The following PPEF1 variants were observed in gnomAD, a reference collection of about 807,000 sequenced individuals.
PPEF1 encodes the protein protein phosphatase with EF-hand domain 1, also known as serine/threonine-protein phosphatase with EF-hands 1.
Under a neutral mutation model 53.3 loss-of-function variants are expected in PPEF1, and 12 were observed. The ratio of observed to expected loss-of-function variants is 0.23; its 90% CI spans 0.14 to 0.36. The LOEUF is 0.36. Ranked by LOEUF, PPEF1 falls within the 10% of genes least tolerant of loss-of-function variation. PPEF1 has a pLI of 1.00. For synonymous variants in PPEF1, 165 were observed against 176.7 expected, an observed-to-expected ratio of 0.93 and a Z score of 0.52; for missense variants, 334 against 490.4, an observed-to-expected ratio of 0.68 and a Z score of 3.01.
intron 3 of PPEF1, among the ~76,000 whole-genome samples, chrX:18,741,950 A>G (rs2045179120): frequency 9.2e-6 from 1 of 109,083 alleles, no homozygotes; most frequent in Non-Finnish European, 1.9e-5. Flanking sequence ...GGCATTCACC[A>G]GTAAACCTGG....
intron 4 of PPEF1, among the ~76,000 whole-genome samples, chrX:18,695,237 C>G (rs1213875527): frequency 8.9e-6 from 1 of 112,640 alleles, no homozygotes; most frequent in African/African-American, 3.2e-5. Flanking sequence ...GAGACTTCCC[C>G]CAGTCCTTTG....
intron 6 of PPEF1, among the ~76,000 whole-genome samples, chrX:18,773,322 CTGT>C (rs2045903990): frequency 8.9e-6 from 1 of 111,827 alleles, no homozygotes; most frequent in Non-Finnish European, 1.9e-5. Context: ...CTTTGTGATC[CTGT>C]TTAGTACTTT....
rs183700497 is a variant in PPEF1 at position 18,754,632 on chromosome X, C to T, written c.397-2995C>T. ...TCTTTTTTAAAGGCAGGGTCACACT[C>T]TGTCACCCATGCTGGAGTGTGGTGG... On this transcript the variant is annotated intron_variant, in intron 4 of 15. Coordinates refer to ENST00000470157, the MANE Select transcript of PPEF1 (RefSeq NM_001377996.1). Among the ~76,000 whole-genome samples the T allele has an allele frequency of 6.2e-4, 69 of 111,975 alleles. No individual in the cohort carries two copies. The Middle Eastern group carries it at 0.014, about 22-fold the overall frequency.
At chrX:18,706,313 G>A (rs1228507395), upstream of PPEF1, among the ~76,000 whole-genome samples, 1 of 109,330 alleles carries the variant, frequency 9.1e-6, no homozygotes, top group Non-Finnish European at 1.9e-5. Context: ...AAAGTGACGT[G>A]ACAGTATACT....
chrX:18,694,266 A>G (rs1929585749), intron 4 of PPEF1, among the ~76,000 whole-genome samples: 1 of 111,994 alleles, frequency 8.9e-6, no homozygotes, highest in Non-Finnish European at 1.9e-5. Context: ...TTTTGCATGA[A>G]TAGAAAATTT....
chrX:18,732,367 G>T (rs780680994), intron 2 of PPEF1, among the ~76,000 whole-genome samples: 1 of 111,972 alleles, frequency 8.9e-6, no homozygotes, highest in African/African-American at 3.2e-5. Flanking sequence ...GTTCTCTTGG[G>T]TATAGACCTG....
intron 13 of PPEF1, 57 bp downstream of exon 13, chrX:18,818,202 A>C: frequency 2.6e-5 from 20 of 772,317 alleles, no homozygotes; most frequent in Non-Finnish European, 3.7e-5. Flanking sequence ...CATACAGATC[A>C]CTTTTCATTT....
intron 4 of PPEF1, among the ~76,000 whole-genome samples, chrX:18,694,190 TG>T (rs1929577829): frequency 8.9e-6 from 1 of 112,030 alleles, no homozygotes; most frequent in Non-Finnish European, 1.9e-5. Flanking sequence ...CCACAGTTTG[TG>T]GGACACTCAC....
At chrX:18,689,235 G>A (rs774205814) in intron 3 of PPEF1, among the ~76,000 whole-genome samples, 18 of 110,059 alleles carry the variant, frequency 1.6e-4, no homozygotes, top group Non-Finnish European at 2.9e-4. Context: ...GGCCAGGTGT[G>A]GTGGCTCACG....
intron 6 of PPEF1, among the ~76,000 whole-genome samples, chrX:18,778,254 G>T (rs749289863): frequency 9.0e-6 from 1 of 111,380 alleles, no homozygotes; most frequent in Non-Finnish European, 1.9e-5. Context: ...TTATAGTATA[G>T]TACTAAATGA....
intron 12 of PPEF1, among the ~76,000 whole-genome samples, chrX:18,814,586 A>C (rs903088201): frequency 1.8e-5 from 2 of 111,442 alleles, no homozygotes; most frequent in African/African-American, 6.5e-5. Flanking sequence ...CATTGCTCTG[A>C]GGTTCAGTGA....
intron 1 of PPEF1, among the ~76,000 whole-genome samples, chrX:18,723,182 G>T (rs1386235288): frequency 9.0e-6 from 1 of 110,705 alleles, no homozygotes; most frequent in Non-Finnish European, 1.9e-5. Context: ...ACGAGGTTTT[G>T]CCTTGTTGGC....
chrX:18,705,809 C>T (rs1345828094), upstream of PPEF1, among the ~76,000 whole-genome samples: 2 of 112,104 alleles, frequency 1.8e-5, no homozygotes, highest in Non-Finnish European at 3.8e-5. Context: ...GTCAGAAAAT[C>T]TGTTTACTAA....
intron 2 of PPEF1, among the ~76,000 whole-genome samples, chrX:18,730,601 A>G (rs2044814002): frequency 8.9e-6 from 1 of 112,024 alleles, no homozygotes; most frequent in Non-Finnish European, 1.9e-5. Flanking sequence ...TAGGAAATAA[A>G]GTTGTCATTT....
chrX:18,721,927 G>A (rs2044597727), intron 1 of PPEF1, among the ~76,000 whole-genome samples: 1 of 112,068 alleles, frequency 8.9e-6, no homozygotes. Flanking sequence ...TCAGAAAAGT[G>A]TCTCCCAGGG....
intron 12 of PPEF1, among the ~76,000 whole-genome samples, chrX:18,813,074 CTA>C (rs1396447143): frequency 9.0e-6 from 1 of 111,460 alleles, no homozygotes; most frequent in East Asian, 2.8e-4. Context: ...TTCTTGATTT[CTA>C]GTGTATAGAA....
At chrX:18,790,959 C>T in intron 10 of PPEF1, among the ~76,000 whole-genome samples, 1 of 111,413 alleles carries the variant, frequency 9.0e-6, no homozygotes, top group Non-Finnish European at 1.9e-5. Flanking sequence ...GTGTGAGCCA[C>T]TGTGCCCGGC....
chrX:18,822,841 A>G (rs909091912), intron 13 of PPEF1, among the ~76,000 whole-genome samples: 4 of 111,655 alleles, frequency 3.6e-5, no homozygotes, highest in African/African-American at 1.3e-4. Flanking sequence ...TTTCAATGCA[A>G]TCTCAGTCAA....
intron 12 of PPEF1, among the ~76,000 whole-genome samples, chrX:18,815,911 T>A (rs747242480): frequency 4.0e-4 from 44 of 108,720 alleles, no homozygotes; most frequent in African/African-American, 4.6e-4. Flanking sequence ...TTATTTTTTT[T>A]TTTTTTGAGA....
Sources: gnomAD v4.1 joint callset for allele counts (sites outside exome capture counted in the v4.1 genomes callset) on GRCh38, gnomAD v4.1.1 for gene constraint, MANE v1.5 for transcripts, NCBI Gene and HGNC (gene_info 2026-07-23, HGNC 2026-07-21) for gene names.